CEP112: variants seen among roughly 807,000 people sequenced by gnomAD.
CEP112 encodes the protein centrosomal protein of 112 kDa.
In CEP112, 127 loss-of-function variants were observed where a neutral mutation model predicts 153.0. The observed-to-expected ratio is 0.83, with a 90% confidence interval of 0.72 to 0.96. The LOEUF (loss-of-function observed/expected upper bound fraction) is 0.96. Ranked by LOEUF, CEP112 falls within the 40% of genes least tolerant of loss-of-function variation. The pLI is 0.00. For missense variants in CEP112, 1,089 were observed against 1,101.2 expected (o/e 0.99, Z 0.16); for synonymous variants, 358 against 374.4 (o/e 0.96, Z 0.51).
intron 2 of CEP112, among the ~76,000 whole-genome samples, chr17:66,178,953 T>C (rs117190705): frequency 0.034 from 5,189 of 152,268 alleles, 131 homozygotes; most frequent in Middle Eastern, 0.061. Flanking sequence ...GAGACTGTCA[T>C]TTCCCCAGTG....
At chr17:65,941,433 G>A (rs1012665519) in intron 18 of CEP112, 3 of 152,096 alleles carry the variant, frequency 2.0e-5, no homozygotes, top group Non-Finnish European at 4.4e-5. Context: ...CAAAATGCAT[G>A]TTATTTTAGA....
chr17:65,972,694 T>C (rs369465497), intron 17 of CEP112, among the ~76,000 whole-genome samples: 36 of 152,370 alleles, frequency 2.4e-4, no homozygotes, highest in African/African-American at 8.4e-4. Context: ...AGAGTGGTTA[T>C]GTCACTACAG....
At chr17:65,892,588 A>G (rs2059507981) in intron 20 of CEP112, among the ~76,000 whole-genome samples, 1 of 152,012 alleles carries the variant, frequency 6.6e-6, no homozygotes, top group African/African-American at 2.4e-5. Flanking sequence ...CGCATTTCCA[A>G]ATTTTGCCCC....
chr17:66,132,558 C>T (rs2070236596), intron 5 of CEP112, 112 bp downstream of exon 5: 1 of 778,688 alleles, frequency 1.3e-6, no homozygotes, highest in Admixed American at 2.1e-5. Flanking sequence ...AATCATCCAA[C>T]TTTATTCTGT....
intron 17 of CEP112, among the ~76,000 whole-genome samples, chr17:65,988,158 ACT>A (rs1396675055): frequency 1.3e-5 from 2 of 152,120 alleles, no homozygotes; most frequent in Non-Finnish European, 2.9e-5. Flanking sequence ...GACAGGTGGC[ACT>A]CTGATTGTTT....
intron 1 of CEP112, among the ~76,000 whole-genome samples, chr17:66,184,235 G>T (rs1032163513): frequency 6.6e-6 from 1 of 151,998 alleles, no homozygotes; most frequent in African/African-American, 2.4e-5. Context: ...CTCTAGCCTC[G>T]GTGACAGAGC....
intron 8 of CEP112, among the ~76,000 whole-genome samples, chr17:66,091,562 T>C (rs1162590182): frequency 6.6e-6 from 1 of 152,040 alleles, no homozygotes; most frequent in African/African-American, 2.4e-5. Context: ...AAGAAGTGAA[T>C]AGCAATAAAT....
chr17:65,826,951 T>A (rs1399807404), intron 21 of CEP112, among the ~76,000 whole-genome samples: 1 of 152,158 alleles, frequency 6.6e-6, no homozygotes, highest in East Asian at 1.9e-4. Flanking sequence ...ACCCTCAATC[T>A]GGGTGGGCAC....
chr17:65,765,516 C>T (rs920635271), intron 21 of CEP112, among the ~76,000 whole-genome samples: 1 of 151,992 alleles, frequency 6.6e-6, no homozygotes, highest in Non-Finnish European at 1.5e-5. Flanking sequence ...TGGTCAAGCT[C>T]CTGGGGGCAA....
intron 19 of CEP112, among the ~76,000 whole-genome samples, chr17:65,917,294 G>T (rs2060528661): frequency 6.6e-6 from 1 of 152,008 alleles, no homozygotes; most frequent in South Asian, 2.1e-4. Context: ...GGAAGGTCAA[G>T]CAAAAAAAGA....
At chr17:66,076,418 A>G (rs576097845) in intron 8 of CEP112, among the ~76,000 whole-genome samples, 38 of 152,078 alleles carry the variant, frequency 2.5e-4, no homozygotes, top group African/African-American at 8.9e-4. Context: ...GCTGGGTGAG[A>G]GCTGTGACTG....
At chr17:66,053,905 T>A in intron 11 of CEP112, 26 bp from the exon 12 acceptor site, 1 of 1,594,090 alleles carries the variant, frequency 6.3e-7, no homozygotes, top group African/African-American at 1.3e-5. Context: ...AAGAGTTGAC[T>A]CTTTTACTAC....
At chr17:65,711,547 T>A (rs888428854) in intron 23 of CEP112, among the ~76,000 whole-genome samples, 4 of 152,214 alleles carry the variant, frequency 2.6e-5, no homozygotes, top group African/African-American at 9.6e-5. Flanking sequence ...TATCACACTT[T>A]TGTTAAGTTT....
In CEP112 at chr17:65,977,222, G is replaced by A. The variant is rs1474430390; in HGVS notation, c.1737-15624C>T. ...GTGCTTCTCTTTGTGCATCTGCCCC[G>A]CTTTCCTCTTGGCATCAACACAACT... On this transcript the variant is annotated intron_variant, in intron 17 of 26. Coordinates refer to ENST00000535342, the MANE Select transcript of CEP112 (RefSeq NM_001199165.4). 4.6e-5 allele frequency among the ~76,000 whole-genome samples: 7 copies of A among 152,098 alleles called. No individual in the cohort carries two copies. In the East Asian group the frequency reaches 7.7e-4, roughly 17 times the overall value.
At position 65,637,122 on chromosome 17, in the gene CEP112, AC is replaced by A; in HGVS notation, c.2864+1del. 6.2e-7 allele frequency: 1 copy of A among 1,613,012 alleles called. No individual in the cohort carries two copies. The highest frequency in any genetic ancestry group is 1.3e-5 in the African/African-American group (1 of 75,048). ...GACAAGACACCTGCTTATGGGCTGT[AC>A]CTTCTGCCTTGATATGTAGTCAGTT... On this transcript the variant is annotated splice_donor_variant, in intron 26 of 26. Transcript: ENST00000535342. LOFTEE classifies it high-confidence loss of function.
chr17:66,178,356 T>C (rs1262843700), intron 2 of CEP112, among the ~76,000 whole-genome samples: 2 of 152,248 alleles, frequency 1.3e-5, no homozygotes, highest in Admixed American at 6.5e-5. Flanking sequence ...GCCATTTGTA[T>C]GTCTTCTATT....
At chr17:65,884,284 T>C (rs11079590) in intron 20 of CEP112, among the ~76,000 whole-genome samples, 79,285 of 152,030 alleles carry the variant, frequency 0.52, 23,761 homozygotes, top group Middle Eastern at 0.73. Flanking sequence ...ACAGATAATT[T>C]GGTAAGACAG....
chr17:65,839,546 C>G (rs2057440418), intron 21 of CEP112, among the ~76,000 whole-genome samples: 1 of 150,822 alleles, frequency 6.6e-6, no homozygotes, highest in South Asian at 2.1e-4. Context: ...ATATGACAAA[C>G]CCAGAGCTAA....
intron 20 of CEP112, among the ~76,000 whole-genome samples, chr17:65,891,857 G>A (rs2059479226): frequency 6.6e-6 from 1 of 152,136 alleles, no homozygotes; most frequent in South Asian, 2.1e-4. Flanking sequence ...GCCTCAGTCT[G>A]GCTGGCTTCT....
Sources: gnomAD v4.1 joint callset for allele counts (sites outside exome capture counted in the v4.1 genomes callset) on GRCh38, gnomAD v4.1.1 for gene constraint, MANE v1.5 for transcripts, NCBI Gene and HGNC (gene_info 2026-07-23, HGNC 2026-07-21) for gene names.